The following KIF26B variants were observed in gnomAD, a reference collection of about 807,000 sequenced individuals.
KIF26B encodes kinesin family member 26B, also known as kinesin-like protein KIF26B.
In KIF26B, 63 loss-of-function variants were observed where a neutral mutation model predicts 151.2. The observed-to-expected ratio is 0.42, with a 90% CI of 0.34 to 0.51. The LOEUF is 0.51. Ranked by LOEUF, KIF26B falls within the 20% of genes least tolerant of loss-of-function variation. KIF26B has a pLI of 0.07. For synonymous variants in KIF26B, 1,357 were observed against 1,262.1 expected (o/e 1.08, Z -1.59); for missense variants, 2,813 against 2,913.6 (o/e 0.97, Z 0.79).
At chr1:245,310,690 C>T (rs768003504) in intron 2 of KIF26B, among the ~76,000 whole-genome samples, 1 of 152,158 alleles carries the variant, frequency 6.6e-6, no homozygotes, top group African/African-American at 2.4e-5. Context: ...GCAGCAGGCA[C>T]GTGTGCAGGG....
At chr1:245,527,811 A>G (rs893099388) in intron 4 of KIF26B, among the ~76,000 whole-genome samples, 5 of 151,614 alleles carry the variant, frequency 3.3e-5, no homozygotes, top group Admixed American at 6.6e-5. Flanking sequence ...GGGATTACAG[A>G]CGTGAGCCAC....
chr1:245,464,282 CAGG>C (rs1659715580), intron 4 of KIF26B, among the ~76,000 whole-genome samples: 1 of 152,204 alleles, frequency 6.6e-6, no homozygotes, highest in East Asian at 1.9e-4. Flanking sequence ...GTCGATGTCT[CAGG>C]AGAGGATGGC....
intron 2 of KIF26B, among the ~76,000 whole-genome samples, chr1:245,314,460 G>A (rs1017158418): frequency 3.9e-5 from 6 of 152,066 alleles, no homozygotes; most frequent in Non-Finnish European, 8.8e-5. Flanking sequence ...TCGAAAAAAA[G>A]AAAAAGCAAA....
Position 245,681,559 on chromosome 1 carries a change from A to G in KIF26B, c.2259-2674A>G, listed in dbSNP as rs537160097. On this transcript the variant is annotated intron_variant, in intron 10 of 14. Transcript: ENST00000407071. ...CTTACACAGGGTCACGTGGAGATAC[A>G]GGGGGATGCGCCTTCGGCCCATCTG... Among the ~76,000 whole-genome samples the G allele has an allele frequency of 2.0e-4, 31 of 152,286 alleles. No homozygotes were observed. The East Asian group carries it at 3.7e-3, about 18-fold the overall frequency.
intron 4 of KIF26B, among the ~76,000 whole-genome samples, chr1:245,510,695 T>C (rs1301971240): frequency 7.3e-6 from 1 of 136,412 alleles, no homozygotes; most frequent in Non-Finnish European, 1.5e-5. Context: ...CTCTCTGAGA[T>C]AGCAGACACC....
At chr1:245,345,792 C>T (rs1672441891) in intron 2 of KIF26B, among the ~76,000 whole-genome samples, 3 of 152,134 alleles carry the variant, frequency 2.0e-5, no homozygotes, top group Admixed American at 2.0e-4. Context: ...ACTTTGCCTT[C>T]TGCCGCGATT....
chr1:245,514,473 G>C (rs1459195400), intron 4 of KIF26B, among the ~76,000 whole-genome samples: 1 of 151,968 alleles, frequency 6.6e-6, no homozygotes, highest in Non-Finnish European at 1.5e-5. Flanking sequence ...AAGTTGCAGT[G>C]AGCCAAGATC....
chr1:245,397,081 T>C (rs936232210), intron 3 of KIF26B, among the ~76,000 whole-genome samples: 15 of 151,218 alleles, frequency 9.9e-5, no homozygotes, highest in African/African-American at 3.7e-4. Context: ...CACCACAGCC[T>C]CCCGAGTAGC....
chr1:245,300,059 T>C (rs779007732), intron 2 of KIF26B, among the ~76,000 whole-genome samples: 7 of 152,236 alleles, frequency 4.6e-5, no homozygotes, highest in Non-Finnish European at 1.0e-4. Flanking sequence ...CTAGTCGTTT[T>C]GGTGAAAACA....
chr1:245,438,029 T>C (rs1658976337), intron 4 of KIF26B, among the ~76,000 whole-genome samples: 1 of 152,194 alleles, frequency 6.6e-6, no homozygotes, highest in Non-Finnish European at 1.5e-5. Context: ...TACATAAATT[T>C]TAAAACAAAT....
At chr1:245,552,670 T>G (rs1661921912) in intron 5 of KIF26B, among the ~76,000 whole-genome samples, 1 of 150,072 alleles carries the variant, frequency 6.7e-6, no homozygotes, top group African/African-American at 2.5e-5. Flanking sequence ...TGGAGTGCAG[T>G]GGGGCGATCT....
At position 245,563,072 on chromosome 1, in the gene KIF26B, G is replaced by A. The variant is rs966860297; in HGVS notation, c.1350+22122G>A. On this transcript the variant is annotated intron_variant, in intron 5 of 14. Coordinates refer to ENST00000407071, the MANE Select transcript of KIF26B (RefSeq NM_018012.4). The surrounding 1 kb of genome is among the most constrained non-coding windows in gnomAD (Gnocchi z 4.6). ...CCCCAGCACAGCCAGCATAGGAGCC[G>A]GCACTTAGTACATGTTTGTTTGGGG... is the stretch of plus-strand genomic sequence containing the variant. Among the ~76,000 whole-genome samples, 2 of 152,220 alleles carry A rather than the reference G, an allele frequency of 1.3e-5. No individual in the cohort carries two copies. The highest frequency in any genetic ancestry group is 4.8e-5 in the African/African-American group (2 of 41,510).
intron 4 of KIF26B, among the ~76,000 whole-genome samples, chr1:245,510,118 T>C (rs1388375979): frequency 6.6e-6 from 1 of 152,142 alleles, no homozygotes; most frequent in Admixed American, 6.5e-5. Flanking sequence ...GGGGGTTTCT[T>C]TCCTGAGGCA....
intron 2 of KIF26B, among the ~76,000 whole-genome samples, chr1:245,224,030 A>T (rs576240348): frequency 6.6e-6 from 1 of 152,202 alleles, no homozygotes; most frequent in African/African-American, 2.4e-5. Context: ...CACGTCTGTA[A>T]TCCCAGCACT....
chr1:245,387,792 G>T (rs1408235734), intron 3 of KIF26B, among the ~76,000 whole-genome samples: 1 of 152,186 alleles, frequency 6.6e-6, no homozygotes, highest in East Asian at 1.9e-4. Flanking sequence ...CCTGCCCAAA[G>T]TGTAGCTGGA....
chr1:245,646,005 C>T (rs2043941583), intron 9 of KIF26B, 116 bp from the exon 10 acceptor site: 8 of 1,128,314 alleles, frequency 7.1e-6, no homozygotes, highest in South Asian at 1.6e-5. Context: ...TCATGAACGT[C>T]AACCTTTTAC....
chr1:245,221,744 A>C (rs1669778661), intron 2 of KIF26B, among the ~76,000 whole-genome samples: 1 of 152,166 alleles, frequency 6.6e-6, no homozygotes, highest in Non-Finnish European at 1.5e-5. Context: ...GTTTGCATTC[A>C]ACTTGACAAA....
chr1:245,210,815 G>T (rs936807846), intron 2 of KIF26B, among the ~76,000 whole-genome samples: 1 of 151,980 alleles, frequency 6.6e-6, no homozygotes, highest in African/African-American at 2.4e-5. Flanking sequence ...AGTCCTGCAG[G>T]GCTGTTCGGA....
Position 245,239,280 on chromosome 1 carries a change from C to T in KIF26B, c.465+82597C>T, listed in dbSNP as rs536830770. On this transcript the variant is annotated intron_variant, in intron 2 of 14. Coordinates refer to ENST00000407071, the MANE Select transcript of KIF26B (RefSeq NM_018012.4). This position sits in a 1 kb window ranked among gnomAD's most constrained non-coding sequence, Gnocchi z 4.3. ...CAGAAAATGATGATGTTGCACAAGG[C>T]GAAGAAGCAGATATTGACATGAGGC... 1.3e-5 allele frequency among the ~76,000 whole-genome samples: 2 copies of T among 152,078 alleles called. No individual in the cohort carries two copies. The highest frequency in any genetic ancestry group is 4.2e-4 in the South Asian group (2 of 4,816).
Sources: gnomAD v4.1 joint callset for allele counts (sites outside exome capture counted in the v4.1 genomes callset) on GRCh38, gnomAD v4.1.1 for gene constraint, Gnocchi (gnomAD v3.1) non-coding constraint, MANE v1.5 for transcripts, NCBI Gene and HGNC (gene_info 2026-07-23, HGNC 2026-07-21) for gene names.